Variants in ASCC1 observed in about 807,000 individuals in gnomAD.
ASCC1 encodes ASC-1 complex subunit P50.
A neutral mutation model predicts 46.6 loss-of-function variants in ASCC1; 35 were observed. The ratio of observed to expected loss-of-function variants is 0.75; its 90% confidence interval spans 0.57 to 0.99. The LOEUF is 0.99. Among genes scored for constraint, ASCC1 ranks in the 50% least tolerant of loss-of-function variants. The probability of loss-of-function intolerance (pLI) is 0.00; values close to 1 mark genes in which losing one functional copy is unlikely to be tolerated. For missense variants in ASCC1, 376 were observed against 428.7 expected (o/e 0.88, Z 1.09); for synonymous variants, 143 against 146.6 (o/e 0.98, Z 0.18).
At chr10:72,128,012 A>T in intron 9 of ASCC1, 70 bp downstream of exon 9, 1 of 1,166,056 alleles carries the variant, frequency 8.6e-7, no homozygotes, top group Non-Finnish European at 1.3e-6. Context: ...TATACGGAGA[A>T]CTACTTGTTT....
chr10:72,203,045 G>T (rs1052764072), intron 4 of ASCC1, among the ~76,000 whole-genome samples: 7 of 152,076 alleles, frequency 4.6e-5, no homozygotes, highest in African/African-American at 1.7e-4. Context: ...CCAACACTTT[G>T]GGAGGCCGAG....
At chr10:72,214,807 G>A (rs1429354573) in intron 1 of ASCC1, among the ~76,000 whole-genome samples, 1 of 151,892 alleles carries the variant, frequency 6.6e-6, no homozygotes, top group African/African-American at 2.4e-5. Flanking sequence ...AGTTCCAGTT[G>A]TCTGTTAAAG....
At chr10:72,166,184 C>T (rs1213322562) in intron 5 of ASCC1, among the ~76,000 whole-genome samples, 2 of 152,150 alleles carry the variant, frequency 1.3e-5, no homozygotes, top group Non-Finnish European at 2.9e-5. Context: ...ACCATAGGAC[C>T]ACCACCCAGA....
chr10:72,146,314 G>A lies in ASCC1; in HGVS notation c.746+6555C>T, dbSNP rs144166349. Among the ~76,000 whole-genome samples the A allele has an allele frequency of 2.5e-3, 386 of 152,330 alleles. 3 individuals carry two copies. Among genetic ancestry groups the A allele is most frequent in the African/African-American group, 8.3e-3 (345 of 41,558 alleles). ...ATGCCTGGGGAAAGGGGACTAGAAA[G>A]GCCATGCAGAGCAGAATAACCGAGG... On this transcript the variant is annotated intron_variant, in intron 7 of 9. Transcript: ENST00000672957.
intron 5 of ASCC1, among the ~76,000 whole-genome samples, chr10:72,170,409 A>C (rs1432870856): frequency 6.6e-6 from 1 of 152,076 alleles, no homozygotes; most frequent in Admixed American, 6.5e-5. Context: ...GAAATGCCAG[A>C]CAGATCAAAA....
At position 72,212,930 on chromosome 10, in the gene ASCC1, T is replaced by C. The variant is rs1391425282; in HGVS notation, c.112+257A>G. ...TGTCATAGAATATTAATGGTTAATA[T>C]TAACAACTAAAATTTCTCTATGATA... is the stretch of plus-strand genomic sequence containing the variant. On this transcript the variant is annotated intron_variant, in intron 2 of 9. Transcript: ENST00000672957. Among the ~76,000 whole-genome samples the C allele has an allele frequency of 2.7e-5, 4 of 150,214 alleles. No homozygotes were observed. The South Asian group carries it at 6.2e-4, about 23-fold the overall frequency.
At chr10:72,169,611 G>A (rs1259220367) in intron 5 of ASCC1, among the ~76,000 whole-genome samples, 1 of 152,048 alleles carries the variant, frequency 6.6e-6, no homozygotes, top group Non-Finnish European at 1.5e-5. Context: ...AGGAGAAAGG[G>A]GCAGAAAGAA....
At chr10:72,204,558 T>C in intron 3 of ASCC1, 1 of 1,519,506 alleles carries the variant, frequency 6.6e-7, no homozygotes, top group Non-Finnish European at 8.9e-7. Context: ...TAAGAGGCCA[T>C]CACAGGGCTA....
At chr10:72,160,431 T>C (rs1040205490) in intron 6 of ASCC1, among the ~76,000 whole-genome samples, 1 of 152,128 alleles carries the variant, frequency 6.6e-6, no homozygotes, top group South Asian at 2.1e-4. Flanking sequence ...GAAGATACGG[T>C]TCTTTGAAAT....
chr10:72,186,773 C>T (rs1341433161), intron 5 of ASCC1, among the ~76,000 whole-genome samples: 6 of 152,102 alleles, frequency 3.9e-5, no homozygotes, highest in Admixed American at 3.3e-4. Flanking sequence ...AATACGCAGT[C>T]TCCCTGAAAG....
intron 3 of ASCC1, among the ~76,000 whole-genome samples, chr10:72,210,193 CTT>C (rs1437947318): frequency 1.4e-5 from 2 of 143,740 alleles, no homozygotes; most frequent in Non-Finnish European, 3.0e-5. Context: ...AAGTTTCACT[CTT>C]GTTGCCCAGG....
chr10:72,195,015 T>TA (rs1855149066), intron 5 of ASCC1, among the ~76,000 whole-genome samples: 1 of 152,104 alleles, frequency 6.6e-6, no homozygotes, highest in East Asian at 1.9e-4. Context: ...GTGCTGGTAT[T>TA]ACAGGTGTGA....
intron 4 of ASCC1, chr10:72,198,398 G>A: frequency 3.5e-6 from 1 of 288,512 alleles, no homozygotes; most frequent in Non-Finnish European, 6.7e-6. Flanking sequence ...GAAGGGAAGG[G>A]AAGGGAAGGA....
intron 9 of ASCC1, chr10:72,102,523 T>C (rs1841895369): frequency 1.2e-6 from 1 of 828,900 alleles, no homozygotes; most frequent in Non-Finnish European, 2.0e-6. Flanking sequence ...TTTTTGTCTA[T>C]GTTACAAGTT....
intron 9 of ASCC1, among the ~76,000 whole-genome samples, chr10:72,098,427 G>A (rs1347222452): frequency 6.6e-6 from 1 of 152,252 alleles, no homozygotes; most frequent in Non-Finnish European, 1.5e-5. Flanking sequence ...TTGGATTGCA[G>A]TAGTGCAATC....
At chr10:72,178,373 G>C (rs1852130482) in intron 5 of ASCC1, among the ~76,000 whole-genome samples, 1 of 152,162 alleles carries the variant, frequency 6.6e-6, no homozygotes, top group Non-Finnish European at 1.5e-5. Flanking sequence ...GACTTTAAGA[G>C]AGAGAGATTA....
chr10:72,186,293 C>T (rs1485330325), intron 5 of ASCC1, among the ~76,000 whole-genome samples: 1 of 151,858 alleles, frequency 6.6e-6, no homozygotes, highest in Non-Finnish European at 1.5e-5. Context: ...GGAGAATAAA[C>T]ATATATTACA....
Position 72,191,183 on chromosome 10 carries a change from G to T in ASCC1, c.489+5628C>A, listed in dbSNP as rs1362093904. 5.5e-5 allele frequency among the ~76,000 whole-genome samples: 8 copies of T among 145,670 alleles called. No homozygotes were observed. The East Asian group carries it at 6.3e-4, about 12-fold the overall frequency. On this transcript the variant is annotated intron_variant, in intron 5 of 9. Transcript: ENST00000672957. ...AGCGATTCTCCTGCCTCAGCCTCCC[G>T]AGTAGCTGGGATTACAGGCGCCCGC...
At chr10:72,144,038 C>T (rs1395726594) in intron 7 of ASCC1, among the ~76,000 whole-genome samples, 1 of 151,646 alleles carries the variant, frequency 6.6e-6, no homozygotes, top group African/African-American at 2.4e-5. Flanking sequence ...GTTGCCCACA[C>T]GTGATCTTGG....
Sources: gnomAD v4.1 joint callset for allele counts (sites outside exome capture counted in the v4.1 genomes callset) on GRCh38, gnomAD v4.1.1 for gene constraint, MANE v1.5 for transcripts, NCBI Gene and HGNC (gene_info 2026-07-23, HGNC 2026-07-21) for gene names.